The following NOBOX variants were observed in gnomAD, a reference collection of about 807,000 sequenced individuals.
NOBOX encodes the protein homeobox protein NOBOX.
NOBOX carries 46 observed loss-of-function variants against 60.2 expected under a neutral mutation model. The observed-to-expected ratio is 0.76, with a 90% CI of 0.60 to 0.98. The LOEUF (loss-of-function observed/expected upper bound fraction) is 0.98, where lower values mean the gene tolerates loss of function less well. Ranked by LOEUF, NOBOX falls within the 50% of genes least tolerant of loss-of-function variation. The pLI is 0.00. For synonymous variants in NOBOX, 360 were observed against 346.3 expected (o/e 1.04, Z -0.44); for missense variants, 880 against 865.5 (o/e 1.02, Z -0.21).
rs769267340 is a variant in NOBOX at position 144,401,862 on chromosome 7, T to G, written c.292+7A>C. On this transcript the variant is annotated splice_region_variant and intron_variant, in intron 3 of 9. Transcript: ENST00000467773. This position sits in a 1 kb window ranked among gnomAD's most constrained non-coding sequence, Gnocchi z 4.2. ...CTCATGGTATCTCCTAATTTGGGGG[T>G]ACTCACCCCTTGTGAGTTCCCTTTT... 1.3e-6 allele frequency: 2 copies of G among 1,565,454 alleles called. No homozygotes were observed. The highest frequency in any genetic ancestry group is 2.7e-5 in the African/African-American group (2 of 73,820).
chr7:144,401,957 A>G lies in NOBOX; in HGVS notation c.211-7T>C. The G allele has an allele frequency of 6.2e-7, 1 of 1,604,056 alleles. No homozygotes were observed. The highest frequency in any genetic ancestry group is 8.5e-7 in the Non-Finnish European group (1 of 1,171,154). On this transcript the variant is annotated splice_polypyrimidine_tract_variant and splice_region_variant and intron_variant, in intron 2 of 9. Coordinates refer to ENST00000467773, the MANE Select transcript of NOBOX (RefSeq NM_001080413.3). The surrounding 1 kb of genome is among the most constrained non-coding windows in gnomAD (Gnocchi z 4.2). ...CTAAGGGATCATGTTGGGGCTGCGGATGGACCAGGAAGACAAAGAGAAACA... is the reference window on the plus strand; with the variant it reads ...CTAAGGGATCATGTTGGGGCTGCGGGTGGACCAGGAAGACAAAGAGAAACA...
chr7:144,401,146 G>C lies in NOBOX; in HGVS notation c.744C>G (p.Leu248=), dbSNP rs764417677. ...TTTGGTTGCTCTGCGCCAATGTACTGAGGAGATTGGCCAGGTGGCAGGGCC... is the reference window on the plus strand; with the variant it reads ...TTTGGTTGCTCTGCGCCAATGTACTCAGGAGATTGGCCAGGTGGCAGGGCC... Residue 248 remains leucine, a synonymous_variant, in exon 4 of 10, where the codon CTC becomes CTG. Transcript: ENST00000467773. The surrounding 1 kb of genome is among the most constrained non-coding windows in gnomAD (Gnocchi z 4.2). The C allele has an allele frequency of 6.2e-7, 1 of 1,610,068 alleles. No individual in the cohort carries two copies. The highest frequency in any genetic ancestry group is 8.5e-7 in the Non-Finnish European group (1 of 1,177,742).
rs546370498 is a variant in NOBOX at position 144,398,378 on chromosome 7, T to G, written c.1678A>C (p.Met560Leu). The stretch of plus-strand genomic sequence containing the variant: ...CCCCCGCTGGGGCCACAGGGAAACA[T>G]AAAGAGAGAGTCTTCGGGCGGTGGA... Residue 560 changes from methionine (M) to leucine (L), a missense_variant, in exon 9 of 10, where the codon ATG (methionine) becomes CTG (leucine). By Grantham distance (15) the Met-to-Leu change is conservative. Coordinates refer to ENST00000467773, the MANE Select transcript of NOBOX (RefSeq NM_001080413.3). 4.6e-6 allele frequency: 7 copies of G among 1,537,070 alleles called. No homozygotes were observed. The South Asian group carries it at 8.3e-5, about 18-fold the overall frequency.
intron 2 of NOBOX, among the ~76,000 whole-genome samples, chr7:144,403,075 CAG>C (rs1476758366): frequency 6.6e-6 from 1 of 152,084 alleles, no homozygotes; most frequent in Non-Finnish European, 1.5e-5. Context: ...GACTTTGTAA[CAG>C]AGTGTCAAGG....
Position 144,404,590 on chromosome 7 carries a change from C to T in NOBOX, c.176G>A (p.Arg59Gln), listed in dbSNP as rs761837506. Reference sequence around the variant, plus strand: ...GGTCTCCAGAGCACAAAGGCTGCACCGGATGATGAAGAAGGAGCTGAAAGA... The same window carrying T: ...GGTCTCCAGAGCACAAAGGCTGCACTGGATGATGAAGAAGGAGCTGAAAGA... The change falls in exon 2 of 10, where the codon CGG becomes CAG. Residue 59 changes from arginine (R) to glutamine (Q), a missense_variant. Arg to Gln is a conservative substitution (Grantham distance 43, BLOSUM62 1). Coordinates refer to ENST00000467773, the MANE Select transcript of NOBOX (RefSeq NM_001080413.3). 1.2e-6 allele frequency: 2 copies of T among 1,613,554 alleles called. No individual in the cohort carries two copies. The highest frequency in any genetic ancestry group is 1.7e-6 in the Non-Finnish European group (2 of 1,179,864).
At chr7:144,402,219 T>TC (rs2053946467) in intron 2 of NOBOX, among the ~76,000 whole-genome samples, 1 of 58,584 alleles carries the variant, frequency 1.7e-5, no homozygotes, top group African/African-American at 6.6e-5. Flanking sequence ...ATCCACTTCC[T>TC]CCCCCTCCCT....
Position 144,410,192 on chromosome 7 carries a change from C to G in NOBOX, c.36G>C (p.Leu12=), listed in dbSNP as rs376149299. The G allele has an allele frequency of 3.8e-6, 6 of 1,571,054 alleles. No homozygotes were observed. The highest frequency in any genetic ancestry group is 5.2e-6 in the Non-Finnish European group (6 of 1,156,654). The change falls in exon 1 of 10, where the codon CTG becomes CTC. Residue 12 remains leucine, a synonymous_variant. Coordinates refer to ENST00000467773, the MANE Select transcript of NOBOX (RefSeq NM_001080413.3). ...TGTCTCTGGTGTCCCAGGTACCCTC[C>G]AGGTCTGGTGATGTTAGTGTCAAAA... is the stretch of plus-strand genomic sequence containing the variant.
At chr7:144,406,356 G>A (rs2053985662) in intron 1 of NOBOX, among the ~76,000 whole-genome samples, 1 of 152,142 alleles carries the variant, frequency 6.6e-6, no homozygotes, top group Non-Finnish European at 1.5e-5. Context: ...TCAGGAGTTT[G>A]AGACCAGCCT....
In NOBOX at chr7:144,400,131, ACT is replaced by A. The variant is rs1373760404; in HGVS notation, c.1024_1025del (p.Ser342Ter). 2.5e-6 allele frequency: 4 copies of A among 1,613,094 alleles called. No individual in the cohort carries two copies. The highest frequency in any genetic ancestry group is 3.4e-6 in the Non-Finnish European group (4 of 1,179,822). On this transcript the variant is annotated frameshift_variant, in exon 5 of 10. Transcript: ENST00000467773. LOFTEE classifies it high-confidence loss of function. ...CTACCCAGGCTACCGCTGAGCGCTCACTCTGCAATTCGAGTGTTTCAATGGTG... is the reference window on the plus strand; with the variant it reads ...CTACCCAGGCTACCGCTGAGCGCTCACTGCAATTCGAGTGTTTCAATGGTG...
chr7:144,399,665 C>T, intron 6 of NOBOX, 92 bp downstream of exon 4: 1 of 1,219,936 alleles, frequency 8.2e-7, no homozygotes, highest in Non-Finnish European at 1.2e-6. Context: ...TCATGCCTAG[C>T]CTTCCAATGG....
At position 144,397,276 on chromosome 7, in the gene NOBOX, C is replaced by T. The variant is rs932126753; in HGVS notation, c.2040G>A (p.Glu680=). 1 of 1,536,802 alleles carries T rather than the reference C, an allele frequency of 6.5e-7. No individual in the cohort carries two copies. The highest frequency in any genetic ancestry group is 1.4e-5 in the African/African-American group (1 of 73,052). The change falls in exon 10 of 10, where the codon GAG becomes GAA. Residue 680 remains glutamate (E), a synonymous_variant. Coordinates refer to ENST00000467773, the MANE Select transcript of NOBOX (RefSeq NM_001080413.3). ...GGCTATTCTTGTCATCCCCTCTGGC[C>T]TCCTCCAGTGCTGAGGGCTGATCCA...
chr7:144,406,185 G>A (rs1268984224), intron 1 of NOBOX, among the ~76,000 whole-genome samples: 1 of 152,214 alleles, frequency 6.6e-6, no homozygotes, highest in Non-Finnish European at 1.5e-5. Flanking sequence ...TAGGCTGTAT[G>A]GCACCCTTCC....
chr7:144,398,540 G>A lies in NOBOX; in HGVS notation c.1516C>T (p.Gln506Ter). 6.5e-7 allele frequency: 1 copy of A among 1,536,484 alleles called. No individual in the cohort carries two copies. Among genetic ancestry groups the A allele is most frequent in the Non-Finnish European group, 8.7e-7 (1 of 1,146,766 alleles). The change falls in exon 9 of 10, where the codon CAG becomes TAG. Residue 506 changes from glutamine (Q) to a stop codon, truncating the protein, a stop_gained. Transcript: ENST00000467773. LOFTEE classifies it high-confidence loss of function. ...GGCTGGTTGCTCTGTTGGTAATCCTGGGGCTCCAGCTCCTCCAAATATGAA... is the reference window on the plus strand; with the variant it reads ...GGCTGGTTGCTCTGTTGGTAATCCTAGGGCTCCAGCTCCTCCAAATATGAA...
Position 144,400,214 on chromosome 7 carries a change from G to A in NOBOX, c.943C>T (p.Arg315Cys), listed in dbSNP as rs1297060863. Residue 315 changes from arginine to cysteine, a missense_variant, in exon 5 of 10, where the codon CGC (arginine) becomes TGC (cysteine). Coordinates refer to ENST00000467773, the MANE Select transcript of NOBOX (RefSeq NM_001080413.3). ...GAGCCGGCCCCCTTTACCATGATGC[G>A]CTGGGGGGTCACCCCCACCGTCTGG... The A allele has an allele frequency of 1.2e-6, 2 of 1,614,024 alleles. No homozygotes were observed. The highest frequency in any genetic ancestry group is 1.6e-4 in the Middle Eastern group (1 of 6,062).
Position 144,399,074 on chromosome 7 carries a change from G to A in NOBOX, c.1345C>T (p.Arg449Ter), listed in dbSNP as rs760393493. The change falls in exon 8 of 10, where the codon CGA (arginine) becomes TGA (stop). Residue 449 changes from arginine (R) to a stop codon, truncating the protein, a stop_gained. Transcript: ENST00000467773. LOFTEE classifies it high-confidence loss of function. Reference sequence around the variant, plus strand: ...AGGGGGAAAGGAAGATCGGCCCTTCGCACAGGTGGGGGGCTGAAGAGTGGG... The same window carrying A: ...AGGGGGAAAGGAAGATCGGCCCTTCACACAGGTGGGGGGCTGAAGAGTGGG... 1.6e-5 allele frequency: 20 copies of A among 1,245,966 alleles called. No homozygotes were observed. The highest frequency in any genetic ancestry group is 1.6e-4 in the South Asian group (13 of 82,844). 77.2% of individuals were successfully genotyped at this position (1,245,966 alleles called of 1,614,324 possible).
Position 144,397,469 on chromosome 7 carries a change from C to A in NOBOX, c.1847G>T (p.Gly616Val), listed in dbSNP as rs1333215053. ...GTAGCCATCCCCTCCTGGGGGATGC[C>A]CCAGAGCTTGTGGGCAGAACGGACC... The change falls in exon 10 of 10, where the codon GGG becomes GTG. Residue 616 changes from glycine (G) to valine (V), a missense_variant. Gly to Val is a moderately radical substitution (Grantham distance 109). Coordinates refer to ENST00000467773, the MANE Select transcript of NOBOX (RefSeq NM_001080413.3). 1.3e-6 allele frequency: 2 copies of A among 1,537,146 alleles called. No homozygotes were observed. Among genetic ancestry groups the A allele is most frequent in the East Asian group, 4.9e-5 (2 of 40,904 alleles).
chr7:144,407,651 G>A lies in NOBOX; in HGVS notation c.85+2492C>T, dbSNP rs568849834. On this transcript the variant is annotated intron_variant, in intron 1 of 9. Coordinates refer to ENST00000467773, the MANE Select transcript of NOBOX (RefSeq NM_001080413.3). The stretch of plus-strand genomic sequence containing the variant: ...GGTCCCAGAGACTGGGAGAGACACT[G>A]GCAACTGCCAAAGTATCTGCCCAGG... Among the ~76,000 whole-genome samples the A allele has an allele frequency of 3.3e-5, 5 of 152,352 alleles. No homozygotes were observed. The South Asian group carries it at 1.0e-3, about 32-fold the overall frequency.
intron 2 of NOBOX, among the ~76,000 whole-genome samples, chr7:144,404,224 G>A (rs2053967499): frequency 6.6e-6 from 1 of 152,178 alleles, no homozygotes; most frequent in African/African-American, 2.4e-5. Context: ...CAGTATTAAG[G>A]AGCTTCAAAG....
At chr7:144,400,915 A>T (rs1181194488) in intron 4 of NOBOX, 131 bp downstream of exon 2, 1 of 689,904 alleles carries the variant, frequency 1.4e-6, no homozygotes, top group Non-Finnish European at 2.2e-6. Context: ...GGCCCAAGAG[A>T]GAATCCGGGA....
Sources: allele counts gnomAD v4.1 joint callset (sites outside exome capture counted in the v4.1 genomes callset), GRCh38; gene constraint gnomAD v4.1.1; non-coding constraint Gnocchi (gnomAD v3.1); transcripts MANE v1.5; gene names NCBI Gene and HGNC (gene_info 2026-07-23, HGNC 2026-07-21).